Variants in NPHP4 observed in about 807,000 individuals in gnomAD.
NPHP4 encodes nephrocystin 4, also known as nephrocystin-4.
NPHP4 carries 151 observed loss-of-function variants against 155.8 expected under a neutral mutation model. The observed-to-expected ratio is 0.97, with a 90% confidence interval of 0.85 to 1.11. NPHP4 has a LOEUF of 1.11. NPHP4 is among the 50% of genes least tolerant of loss of function. The pLI is 0.00. For synonymous variants in NPHP4, 845 were observed against 816.8 expected (o/e 1.03, Z -0.59); for missense variants, 1,956 against 1,925.7 (o/e 1.02, Z -0.29).
chr1:5,946,853 C>A (rs1647126338), intron 9 of NPHP4, among the ~76,000 whole-genome samples: 1 of 152,252 alleles, frequency 6.6e-6, no homozygotes, highest in Non-Finnish European at 1.5e-5. Flanking sequence ...CATGGAAGTG[C>A]CCAGAGGGCG....
At chr1:5,887,586 T>C in intron 17 of NPHP4, 120 bp from the exon 18 acceptor site, 3 of 1,079,072 alleles carry the variant, frequency 2.8e-6, no homozygotes, top group Non-Finnish European at 4.0e-6. Flanking sequence ...GGAGGGGGTG[T>C]GCGCAGGATA....
Position 5,904,634 on chromosome 1 carries a change from T to C in NPHP4, c.2126A>G (p.Asp709Gly), listed in dbSNP as rs926092150. 2.5e-6 allele frequency: 4 copies of C among 1,610,508 alleles called. No homozygotes were observed. Among genetic ancestry groups the C allele is most frequent in the African/African-American group, 2.7e-5 (2 of 74,902 alleles). The part of the protein sequence containing the change: ...LTHILVPVSR[D>G]GTFDAGSPGF... ...GTACTCACCAGCATCAAAGGTGCCATCTCTGCTCACAGGCACGAGGATGTG... is the reference window on the plus strand; with the variant it reads ...GTACTCACCAGCATCAAAGGTGCCACCTCTGCTCACAGGCACGAGGATGTG... Residue 709 changes from aspartate to glycine, a missense_variant, in exon 16 of 30, where the codon GAT becomes GGT. Coordinates refer to ENST00000378156, the MANE Select transcript of NPHP4 (RefSeq NM_015102.5).
chr1:5,986,257 G>A lies in NPHP4; in HGVS notation c.33C>T (p.Asn11=), dbSNP rs746542667. 34 of 1,613,862 alleles carry A rather than the reference G, an allele frequency of 2.1e-5. No homozygotes were observed. In the East Asian group the frequency reaches 3.3e-4, roughly 16 times the overall value. MNDWHRIFTQ[N]VLVPPHPQRA... ...TCTGTGGGTGGGGAGGGACAAGCACGTTTTGGGTGAAGATCCTGTGCCAGT... is the reference window on the plus strand; with the variant it reads ...TCTGTGGGTGGGGAGGGACAAGCACATTTTGGGTGAAGATCCTGTGCCAGT... The change falls in exon 2 of 30, where the codon AAC becomes AAT. Residue 11 remains asparagine (N), a synonymous_variant. Transcript: ENST00000378156.
chr1:5,960,002 G>A (rs559400904), intron 6 of NPHP4, among the ~76,000 whole-genome samples: 2 of 152,326 alleles, frequency 1.3e-5, no homozygotes, highest in East Asian at 3.9e-4. Flanking sequence ...GCGCCTACAG[G>A]GCCCTCCCTG....
intron 11 of NPHP4, among the ~76,000 whole-genome samples, chr1:5,927,248 T>C (rs1646050964): frequency 6.6e-6 from 1 of 152,218 alleles, no homozygotes. Flanking sequence ...CACACACTCC[T>C]AACTTTCGGG....
In NPHP4 at chr1:5,867,085, G is replaced by T; in HGVS notation, c.3503C>A (p.Pro1168His). The T allele has an allele frequency of 2.5e-6, 4 of 1,612,962 alleles. No homozygotes were observed. The highest frequency in any genetic ancestry group is 2.5e-6 in the Non-Finnish European group (3 of 1,179,510). Residue 1168 changes from proline to histidine, a missense_variant, in exon 25 of 30, where the codon CCC becomes CAC. Pro to His is a moderately conservative substitution (Grantham distance 77). Transcript: ENST00000378156. The surrounding 1 kb of genome is among the most constrained non-coding windows in gnomAD (Gnocchi z 4.1). The stretch of plus-strand genomic sequence containing the variant: ...GTCGCTGCAGCGAACATGGACTGGG[G>T]GGTCCTCACCAAGCATTCCCACCGG... Reference protein sequence around the residue: ...GAPVGMLGEDPPVHVRCSDPN... With the variant: ...GAPVGMLGEDHPVHVRCSDPN...
chr1:5,948,332 G>C (rs1180984570), intron 7 of NPHP4, 81 bp from the exon 8 acceptor site: 1 of 1,092,224 alleles, frequency 9.2e-7, no homozygotes, highest in South Asian at 1.7e-5. Flanking sequence ...GAGGCGAGCA[G>C]AGAGAAGAAA....
At chr1:5,927,607 C>T (rs1173459477) in intron 11 of NPHP4, 42 bp downstream of exon 11, 1 of 1,566,992 alleles carries the variant, frequency 6.4e-7, no homozygotes. Flanking sequence ...GGAAGTGCTG[C>T]CTGCCATGTG....
At chr1:5,903,210 C>G (rs1644758205) in intron 16 of NPHP4, among the ~76,000 whole-genome samples, 1 of 152,186 alleles carries the variant, frequency 6.6e-6, no homozygotes, top group African/African-American at 2.4e-5. Flanking sequence ...GGAGGTTTGC[C>G]AATTTCTCCT....
At position 5,892,211 on chromosome 1, in the gene NPHP4, G is replaced by A. The variant is rs1644167937; in HGVS notation, c.2144-1183C>T. ...CATCTAGTGAGAGCTCCCAGCATGA[G>A]CGACGCAGAAGATGGGTGATTTCTG... is the stretch of plus-strand genomic sequence containing the variant. On this transcript the variant is annotated intron_variant, in intron 16 of 29. Transcript: ENST00000378156. The surrounding 1 kb of genome is among the most constrained non-coding windows in gnomAD (Gnocchi z 4.5). 6.6e-6 allele frequency among the ~76,000 whole-genome samples: 1 copy of A among 152,214 alleles called. No homozygotes were observed. The highest frequency in any genetic ancestry group is 1.5e-5 in the Non-Finnish European group (1 of 68,032).
At chr1:5,924,901 C>A (rs1385984310) in intron 11 of NPHP4, among the ~76,000 whole-genome samples, 2 of 152,136 alleles carry the variant, frequency 1.3e-5, no homozygotes, top group Admixed American at 1.3e-4. Context: ...AGTGATCCTC[C>A]TGCCTCAGCC....
In NPHP4 at chr1:5,873,315, G is replaced by C. The variant is rs778087914; in HGVS notation, c.3252C>G (p.Asn1084Lys). Residue 1084 changes from asparagine to lysine, a missense_variant, in exon 23 of 30, where the codon AAC (asparagine) becomes AAG (lysine). Asn to Lys is a moderately conservative substitution (Grantham distance 94, BLOSUM62 0). Coordinates refer to ENST00000378156, the MANE Select transcript of NPHP4 (RefSeq NM_015102.5). ...AMVQASPGLSNEKGMDAVSPW... is the reference protein window; with the variant it reads ...AMVQASPGLSKEKGMDAVSPW... ...GTGACACGGCGTCCATGCCCTTCTC[G>C]TTGCTCAACCCAGGAGAGGCCTGCA... 3.1e-6 allele frequency: 5 copies of C among 1,613,786 alleles called. No individual in the cohort carries two copies. Among genetic ancestry groups the C allele is most frequent in the South Asian group, 1.1e-5 (1 of 91,084 alleles).
In NPHP4 at chr1:5,910,966, T is replaced by C. The variant is rs1645152094; in HGVS notation, c.1442-1753A>G. Among the ~76,000 whole-genome samples, 3 of 152,194 alleles carry C rather than the reference T, an allele frequency of 2.0e-5. No individual in the cohort carries two copies. The highest frequency in any genetic ancestry group is 4.4e-5 in the Non-Finnish European group (3 of 68,022). On this transcript the variant is annotated intron_variant, in intron 11 of 29. Coordinates refer to ENST00000378156, the MANE Select transcript of NPHP4 (RefSeq NM_015102.5). The surrounding 1 kb of genome is among the most constrained non-coding windows in gnomAD (Gnocchi z 5.4). ...CACAGCTCCCAGTCCAACTACCTCC[T>C]GGGCAGCGCCCATTTGGCCCGCGCA...
intron 5 of NPHP4, among the ~76,000 whole-genome samples, chr1:5,962,758 A>G (rs939555564): frequency 3.9e-5 from 6 of 152,342 alleles, no homozygotes; most frequent in African/African-American, 1.4e-4. Context: ...GACTCTGGAG[A>G]AATGACACCC....
At chr1:5,923,813 C>G (rs578219206) in intron 11 of NPHP4, among the ~76,000 whole-genome samples, 2 of 152,310 alleles carry the variant, frequency 1.3e-5, no homozygotes, top group Admixed American at 1.3e-4. Flanking sequence ...CATTCAGTAT[C>G]CAGTAAGAGA....
chr1:5,986,624 C>T (rs1177002840), intron 1 of NPHP4, among the ~76,000 whole-genome samples: 1 of 152,096 alleles, frequency 6.6e-6, no homozygotes, highest in Non-Finnish European at 1.5e-5. Flanking sequence ...ACACCAGGTA[C>T]CTGGGGTCAA....
intron 5 of NPHP4, among the ~76,000 whole-genome samples, chr1:5,963,462 C>G (rs1650742027): frequency 2.6e-5 from 4 of 151,988 alleles, no homozygotes; most frequent in Admixed American, 2.0e-4. Context: ...AACATGGAAT[C>G]TGCTTACTTT....
rs528510453 is a variant in NPHP4 at position 5,910,765 on chromosome 1, G to A, written c.1442-1552C>T. On this transcript the variant is annotated intron_variant, in intron 11 of 29. Coordinates refer to ENST00000378156, the MANE Select transcript of NPHP4 (RefSeq NM_015102.5). The surrounding 1 kb of genome is among the most constrained non-coding windows in gnomAD (Gnocchi z 5.4). Reference sequence around the variant, plus strand: ...ACACCAGAGCTGCACGACCATCGGAGCCAATCCCCGCCGTGCCTCTCCCAG... The same window carrying A: ...ACACCAGAGCTGCACGACCATCGGAACCAATCCCCGCCGTGCCTCTCCCAG... 6.6e-6 allele frequency among the ~76,000 whole-genome samples: 1 copy of A among 152,338 alleles called. No individual in the cohort carries two copies. Among genetic ancestry groups the A allele is most frequent in the East Asian group, 1.9e-4 (1 of 5,188 alleles).
chr1:5,891,121 A>T, intron 16 of NPHP4, 93 bp from the exon 17 acceptor site: 1 of 860,982 alleles, frequency 1.2e-6, no homozygotes, highest in South Asian at 3.2e-5. Context: ...CATGATTACT[A>T]ATTTCTGCTT....
Sources: gnomAD v4.1 joint callset for allele counts (sites outside exome capture counted in the v4.1 genomes callset) on GRCh38, gnomAD v4.1.1 for gene constraint, Gnocchi (gnomAD v3.1) non-coding constraint, MANE v1.5 for transcripts, NCBI Gene and HGNC (gene_info 2026-07-23, HGNC 2026-07-21) for gene names.